ELOVL2: variants seen among roughly 807,000 people sequenced by gnomAD.
The protein encoded by ELOVL2 is very long chain fatty acid elongase 2.
In ELOVL2, 38 loss-of-function variants were observed where a neutral mutation model predicts 37.7. The ratio of observed to expected loss-of-function variants is 1.01; its 90% CI spans 0.78 to 1.32. The LOEUF (loss-of-function observed/expected upper bound fraction) is 1.32. Ranked by LOEUF, ELOVL2 falls within the 40% of genes most tolerant of loss-of-function variation. ELOVL2 has a pLI of 0.00. For synonymous variants in ELOVL2, 115 were observed against 122.3 expected (o/e 0.94, Z 0.40); for missense variants, 352 against 363.6 (o/e 0.97, Z 0.26).
chr6:10,984,306 C>T (rs1018018597), intron 7 of ELOVL2, among the ~76,000 whole-genome samples: 5 of 152,188 alleles, frequency 3.3e-5, no homozygotes, highest in Non-Finnish European at 7.3e-5. Context: ...GCGTGAGCCA[C>T]TGTGCCCAGT....
Position 10,989,718 on chromosome 6 carries a change from TAAG to T in ELOVL2, c.747_749del (p.Phe249del), listed in dbSNP as rs923048106. The T allele has an allele frequency of 2.5e-6, 4 of 1,613,720 alleles. No individual in the cohort carries two copies. In the African/African-American group the frequency reaches 4.0e-5, roughly 16 times the overall value. On this transcript the variant is annotated inframe_deletion, in exon 7 of 8. Transcript: ENST00000354666. ...TTCCACGTACCTGAACGTAAAAATT[TAAG>T]AAGAGGATGACTAACGTTAGCATAT...
chr6:11,034,091 G>A (rs1475562749), intron 1 of ELOVL2, among the ~76,000 whole-genome samples: 1 of 152,150 alleles, frequency 6.6e-6, no homozygotes, highest in Non-Finnish European at 1.5e-5. Flanking sequence ...GTTAAAGAGA[G>A]AATTTTTCAG....
chr6:11,041,475 G>A (rs1278959875), intron 1 of ELOVL2, among the ~76,000 whole-genome samples: 3 of 152,120 alleles, frequency 2.0e-5, no homozygotes, highest in South Asian at 2.1e-4. Context: ...AATGCTATAC[G>A]TTCGAAGAAT....
chr6:11,001,663 T>C (rs1469714869), intron 3 of ELOVL2, among the ~76,000 whole-genome samples: 1 of 152,336 alleles, frequency 6.6e-6, no homozygotes, highest in African/African-American at 2.4e-5. Flanking sequence ...CCATGTTTCC[T>C]GCTTTAGTTA....
intron 2 of ELOVL2, among the ~76,000 whole-genome samples, chr6:11,006,527 G>A (rs1782486216): frequency 6.6e-6 from 1 of 152,172 alleles, no homozygotes; most frequent in Non-Finnish European, 1.5e-5. Flanking sequence ...GTAGTGAGCT[G>A]GTTTCACCAA....
At chr6:10,993,813 G>A (rs1404299373) in intron 5 of ELOVL2, among the ~76,000 whole-genome samples, 4 of 149,386 alleles carry the variant, frequency 2.7e-5, no homozygotes, top group African/African-American at 7.4e-5. Context: ...TCAGCCTCCC[G>A]AGGAGCTGGT....
rs1782563552 is a variant in ELOVL2 at position 11,010,882 on chromosome 6, C to T, written c.4-73G>A. The T allele has an allele frequency of 1.1e-5, 13 of 1,152,460 alleles. No individual in the cohort carries two copies. The South Asian group carries it at 1.7e-4, about 15-fold the overall frequency. 71.4% of individuals were successfully genotyped at this position (1,152,460 alleles called of 1,614,324 possible). A position where few individuals can be genotyped will look rare whatever the true frequency, so the allele number is the denominator to read the frequency against. ...TTGAAACGGTCAAAACAAGCCACTA[C>T]CAACAACATGTAACTGACAGACTTT... On this transcript the variant is annotated intron_variant, in intron 1 of 7. Coordinates refer to ENST00000354666, the MANE Select transcript of ELOVL2 (RefSeq NM_017770.4).
In ELOVL2 at chr6:11,030,552, C is replaced by T. The variant is rs1330989789; in HGVS notation, c.3+13676G>A. 2.0e-5 allele frequency among the ~76,000 whole-genome samples: 3 copies of T among 152,128 alleles called. No homozygotes were observed. The East Asian group carries it at 5.8e-4, about 29-fold the overall frequency. On this transcript the variant is annotated intron_variant, in intron 1 of 7. Transcript: ENST00000354666. ...TGTCACCCAGGCTGGAGTGCAGTGG[C>T]TTGATCTCGGCTCACTGCAAGCTCT... is the stretch of plus-strand genomic sequence containing the variant.
In ELOVL2 at chr6:11,043,019, T is replaced by C. The variant is rs528631562; in HGVS notation, c.3+1209A>G. On this transcript the variant is annotated intron_variant, in intron 1 of 7. Coordinates refer to ENST00000354666, the MANE Select transcript of ELOVL2 (RefSeq NM_017770.4). The stretch of plus-strand genomic sequence containing the variant: ...ACAAAATATGCAGTACGCTAACTAA[T>C]ACATGCTCAAGAGAAGACAAATGAA... Among the ~76,000 whole-genome samples, 4 of 152,190 alleles carry C rather than the reference T, an allele frequency of 2.6e-5. No homozygotes were observed. In the East Asian group the frequency reaches 7.7e-4, roughly 29 times the overall value.
chr6:10,994,577 C>T (rs1485973899), intron 5 of ELOVL2, among the ~76,000 whole-genome samples: 1 of 151,866 alleles, frequency 6.6e-6, no homozygotes, highest in East Asian at 1.9e-4. Flanking sequence ...GTAGGTCCTT[C>T]AGAGATGTAA....
chr6:10,989,886 C>T (rs1341971827), intron 6 of ELOVL2, 49 bp from the exon 7 acceptor site: 2 of 1,609,348 alleles, frequency 1.2e-6, no homozygotes, highest in Middle Eastern at 1.7e-4. Flanking sequence ...GGCTGTGCCA[C>T]ACAGACACTG....
intron 1 of ELOVL2, among the ~76,000 whole-genome samples, chr6:11,042,724 G>A (rs1245017951): frequency 6.6e-6 from 1 of 151,700 alleles, no homozygotes; most frequent in African/African-American, 2.4e-5. Flanking sequence ...CTCCTGTCGG[G>A]AGTATCTCCC....
chr6:10,989,639 C>G lies in ELOVL2; in HGVS notation c.765+64G>C. The stretch of plus-strand genomic sequence containing the variant: ...GGGCAATAAGAGCGAAACTCTGTCT[C>G]CAAAAAAAAAAAAATAGTGCCAATC... On this transcript the variant is annotated intron_variant, in intron 7 of 7. Transcript: ENST00000354666. 2.7e-6 allele frequency: 4 copies of G among 1,472,634 alleles called. No homozygotes were observed. In the South Asian group the frequency reaches 3.7e-5, roughly 14 times the overall value. 91.2% of individuals were successfully genotyped at this position (1,472,634 alleles called of 1,614,324 possible). A position where few individuals can be genotyped will look rare whatever the true frequency, so the allele number is the denominator to read the frequency against.
intron 2 of ELOVL2, among the ~76,000 whole-genome samples, chr6:11,006,273 A>G (rs964892322): frequency 6.6e-6 from 1 of 152,212 alleles, no homozygotes; most frequent in African/African-American, 2.4e-5. Flanking sequence ...CTGGACGTTT[A>G]CACAGCAGGG....
chr6:11,010,832 A>G (rs1047445894), intron 1 of ELOVL2, 23 bp from the exon 2 acceptor site: 5 of 1,580,398 alleles, frequency 3.2e-6, no homozygotes, highest in East Asian at 2.2e-5. Context: ...AGAAAAAATG[A>G]TTTAAGTGTT....
At chr6:11,017,470 G>C (rs1206927313) in intron 1 of ELOVL2, among the ~76,000 whole-genome samples, 1 of 152,186 alleles carries the variant, frequency 6.6e-6, no homozygotes, top group East Asian at 1.9e-4. Flanking sequence ...AAAGCCAATA[G>C]TGGGTGATTT....
chr6:11,027,781 G>C (rs1475302071), intron 1 of ELOVL2, among the ~76,000 whole-genome samples: 1 of 151,990 alleles, frequency 6.6e-6, no homozygotes, highest in Non-Finnish European at 1.5e-5. Flanking sequence ...TTACTATGTG[G>C]ACTGACCTTT....
intron 1 of ELOVL2, among the ~76,000 whole-genome samples, chr6:11,033,568 C>CA (rs1782964301): frequency 6.6e-6 from 1 of 152,084 alleles, no homozygotes; most frequent in Non-Finnish European, 1.5e-5. Context: ...AGTTATGTTT[C>CA]AAATCAATGA....
rs3798712 is a variant in ELOVL2, at chr6:11,007,869, A to G, written c.68-2310T>C. ...AGTCAAGCACATACTGCAAACTAAT[A>G]TAGCACCTGAGGTTTTTGTTTTCTT... On this transcript the variant is annotated intron_variant, in intron 2 of 7. Coordinates refer to ENST00000354666, the MANE Select transcript of ELOVL2 (RefSeq NM_017770.4). Among the ~76,000 whole-genome samples, 2,657 of 152,318 alleles carry G rather than the reference A, an allele frequency of 0.017. 139 individuals are homozygous for G. In the East Asian group the frequency reaches 0.19, roughly 11 times the overall value.
Sources: gnomAD v4.1 joint callset for allele counts (sites outside exome capture counted in the v4.1 genomes callset) on GRCh38, gnomAD v4.1.1 for gene constraint, MANE v1.5 for transcripts, NCBI Gene and HGNC (gene_info 2026-07-23, HGNC 2026-07-21) for gene names.